The following BRAF variants were observed in gnomAD, a reference collection of about 807,000 sequenced individuals.
BRAF encodes serine/threonine-protein kinase B-raf.
Under a neutral mutation model 104.6 loss-of-function variants are expected in BRAF, and 16 were observed. That is an observed-to-expected ratio of 0.15 (90% CI 0.10 to 0.23). BRAF has a LOEUF of 0.23. BRAF is among the 10% of genes least tolerant of loss of function. BRAF has a pLI of 1.00. For synonymous variants in BRAF, 310 were observed against 341.6 expected (o/e 0.91, Z 1.02); for missense variants, 541 against 937.3 (o/e 0.58, Z 5.52).
At chr7:140,907,560 C>A (rs1388198619) in intron 1 of BRAF, among the ~76,000 whole-genome samples, 1 of 151,788 alleles carries the variant, frequency 6.6e-6, no homozygotes, top group Non-Finnish European at 1.5e-5. Context: ...CGTGCCCAGC[C>A]ATTTTTTTTC....
rs2129026359 is a variant in BRAF at position 140,783,109 on chromosome 7, G to A, written c.1346C>T (p.Ser449Leu). Reference sequence around the variant, plus strand: ...CTGTAAGGCTTTCACGTTAGTTAGTGAGCCAGGTAATGAGGCAGGGGGGGT... The same window carrying A: ...CTGTAAGGCTTTCACGTTAGTTAGTAAGCCAGGTAATGAGGCAGGGGGGGT... ...SATPPASLPG[S>L]LTNVKALQKS... The change falls in exon 11 of 20, where the codon TCA becomes TTA. Residue 449 changes from serine to leucine, a missense_variant. Physicochemically the swap from Ser to Leu is moderately radical, Grantham distance 145 (BLOSUM62 -2). Around this residue, in one of 10 missense-constraint regions of BRAF, gnomAD observed 109 missense variants for 143.9 expected, o/e 0.76. Transcript: ENST00000644969. 3 of 1,614,042 alleles carry A rather than the reference G, an allele frequency of 1.9e-6. No individual in the cohort carries two copies. Among genetic ancestry groups the A allele is most frequent in the South Asian group, 1.1e-5 (1 of 91,080 alleles).
intron 3 of BRAF, among the ~76,000 whole-genome samples, chr7:140,818,181 T>C (rs1412501648): frequency 6.6e-6 from 1 of 152,198 alleles, no homozygotes; most frequent in African/African-American, 2.4e-5. Context: ...ATGGGACTGG[T>C]AGTGGAACCT....
intron 9 of BRAF, among the ~76,000 whole-genome samples, chr7:140,786,451 G>GT (rs1252501484): frequency 6.6e-6 from 1 of 152,186 alleles, no homozygotes; most frequent in African/African-American, 2.4e-5. Flanking sequence ...AACAGGGAAG[G>GT]TAAGTGTAAA....
Position 140,902,901 on chromosome 7 carries a change from G to A in BRAF, c.138+21665C>T, listed in dbSNP as rs544161424. Among the ~76,000 whole-genome samples the A allele has an allele frequency of 5.3e-5, 8 of 150,314 alleles. No homozygotes were observed. In the South Asian group the frequency reaches 1.5e-3, roughly 28 times the overall value. ...CCCTAAGTCAATGGTTGGCTTCAAA[G>A]CTTCAAAGGACAGGATGACTTTTTT... is the stretch of plus-strand genomic sequence containing the variant. On this transcript the variant is annotated intron_variant, in intron 1 of 19. Transcript: ENST00000644969.
chr7:140,761,362 C>T (rs1389820151), intron 14 of BRAF, among the ~76,000 whole-genome samples: 1 of 151,998 alleles, frequency 6.6e-6, no homozygotes, highest in Non-Finnish European at 1.5e-5. Flanking sequence ...ACCCCCAGGC[C>T]TGCCCTAAAA....
At chr7:140,769,489 C>T (rs983330245) in intron 14 of BRAF, among the ~76,000 whole-genome samples, 4 of 152,154 alleles carry the variant, frequency 2.6e-5, no homozygotes, top group Non-Finnish European at 5.9e-5. Flanking sequence ...TACATACACA[C>T]CACTTTTTAA....
Position 140,722,649 on chromosome 7 carries a change from C to T in BRAF, c.*3845G>A. 9.5e-7 allele frequency: 1 copy of T among 1,053,026 alleles called. No individual in the cohort carries two copies. The highest frequency in any genetic ancestry group is 1.1e-6 in the Non-Finnish European group (1 of 871,574). The allele number at this position is 1,053,026 out of a possible 1,614,324, so 65.2% of individuals were successfully genotyped here. A position where few individuals can be genotyped will look rare whatever the true frequency, so the allele number is the denominator to read the frequency against. On this transcript the variant is annotated 3_prime_UTR_variant, in exon 20 of 20. Transcript: ENST00000644969. ...AACTTGGACAAAGAAGAGAATCTTGCAAAAAGAGTAATCATTCTACCCTCT... is the reference window on the plus strand; with the variant it reads ...AACTTGGACAAAGAAGAGAATCTTGTAAAAAGAGTAATCATTCTACCCTCT...
intron 1 of BRAF, among the ~76,000 whole-genome samples, chr7:140,907,531 G>T (rs1042089856): frequency 1.2e-4 from 18 of 152,060 alleles, no homozygotes; most frequent in Non-Finnish European, 1.9e-4. Flanking sequence ...AAAGTGCTGG[G>T]ATTACAGGCA....
Position 140,720,501 on chromosome 7 carries a change from C to T in BRAF, c.*5993G>A. The stretch of plus-strand genomic sequence containing the variant: ...TGTTGATATAGCTGGTTTTAATCAG[C>T]TATGGAACATACACAAATGTATTAG... On this transcript the variant is annotated 3_prime_UTR_variant, in exon 20 of 20. Coordinates refer to ENST00000644969, the MANE Select transcript of BRAF (RefSeq NM_001374258.1). 1 of 1,064,486 alleles carries T rather than the reference C, an allele frequency of 9.4e-7. No homozygotes were observed. The highest frequency in any genetic ancestry group is 1.1e-6 in the Non-Finnish European group (1 of 878,870). The allele number at this position is 1,064,486 out of a possible 1,614,324, so 65.9% of individuals were successfully genotyped here.
At chr7:140,911,112 G>A (rs1443347873) in intron 1 of BRAF, among the ~76,000 whole-genome samples, 1 of 152,110 alleles carries the variant, frequency 6.6e-6, no homozygotes, top group Admixed American at 6.6e-5. Flanking sequence ...CAGACTAAGA[G>A]TACCGAAAAA....
At chr7:140,920,132 A>T (rs1051729695) in intron 1 of BRAF, among the ~76,000 whole-genome samples, 1 of 152,194 alleles carries the variant, frequency 6.6e-6, no homozygotes, top group African/African-American at 2.4e-5. Flanking sequence ...TACTGACAAA[A>T]AAAGGCTTAA....
At chr7:140,878,326 CAT>C (rs1177115193) in intron 1 of BRAF, among the ~76,000 whole-genome samples, 1 of 151,724 alleles carries the variant, frequency 6.6e-6, no homozygotes, top group Non-Finnish European at 1.5e-5. Flanking sequence ...CAGAAGAAAA[CAT>C]AGGGGTAAAT....
intron 14 of BRAF, among the ~76,000 whole-genome samples, chr7:140,755,866 C>T (rs933647670): frequency 6.6e-5 from 10 of 151,482 alleles, no homozygotes; most frequent in Admixed American, 2.0e-4. Context: ...GACCTGGGAT[C>T]TAGTATACAG....
chr7:140,794,895 T>C (rs1011357822), intron 7 of BRAF, among the ~76,000 whole-genome samples: 1 of 152,234 alleles, frequency 6.6e-6, no homozygotes, highest in Non-Finnish European at 1.5e-5. Context: ...ATTATAAATA[T>C]TTTGAGAATA....
intron 3 of BRAF, among the ~76,000 whole-genome samples, chr7:140,814,409 A>C (rs960500062): frequency 1.3e-4 from 20 of 152,274 alleles, no homozygotes; most frequent in African/African-American, 4.8e-4. Flanking sequence ...TCATGCCTGT[A>C]ATCCCAGCAT....
Position 140,721,284 on chromosome 7 carries a change from T to C in BRAF, c.*5210A>G, listed in dbSNP as rs1795312381. The stretch of plus-strand genomic sequence containing the variant: ...AGTCACTCATTGAGTTGCCGACTAA[T>C]TGCCCCATGCATTTTTTTTTTTTAA... On this transcript the variant is annotated 3_prime_UTR_variant, in exon 20 of 20. Transcript: ENST00000644969. The C allele has an allele frequency of 8.7e-7, 1 of 1,150,186 alleles. No homozygotes were observed. The highest frequency in any genetic ancestry group is 1.1e-6 in the Non-Finnish European group (1 of 937,068). 71.2% of individuals were successfully genotyped at this position (1,150,186 alleles called of 1,614,324 possible).
rs561883564 is a variant in BRAF at position 140,784,650 on chromosome 7, C to CT, written c.1297+1038dup. ...AGAAAGACATCTGTCCCAATTTTTA[C>CT]TTTTTTTTTTTTGAGATGGAGTCTT... On this transcript the variant is annotated intron_variant, in intron 10 of 19. Coordinates refer to ENST00000644969, the MANE Select transcript of BRAF (RefSeq NM_001374258.1). Among the ~76,000 whole-genome samples, 739 of 146,176 alleles carry CT rather than the reference C, an allele frequency of 5.1e-3. 16 individuals are homozygous for CT. Among genetic ancestry groups the CT allele is most frequent in the South Asian group, 0.025 (116 of 4,632 alleles).
chr7:140,900,319 C>A lies in BRAF; in HGVS notation c.138+24247G>T, dbSNP rs367870042. 2.6e-5 allele frequency among the ~76,000 whole-genome samples: 4 copies of A among 152,290 alleles called. No homozygotes were observed. In the East Asian group the frequency reaches 7.7e-4, roughly 29 times the overall value. On this transcript the variant is annotated intron_variant, in intron 1 of 19. Coordinates refer to ENST00000644969, the MANE Select transcript of BRAF (RefSeq NM_001374258.1). ...TTTTTGAGTCTTAAGAAATTCTTCT[C>A]TGCCTTAAATAATGTCCCTTTATTT...
At chr7:140,760,783 G>A (rs948404249) in intron 14 of BRAF, among the ~76,000 whole-genome samples, 1 of 152,090 alleles carries the variant, frequency 6.6e-6, no homozygotes, top group Non-Finnish European at 1.5e-5. Context: ...GGAAGAAAGG[G>A]TATCAGTGAT....
Sources: allele counts gnomAD v4.1 joint callset (sites outside exome capture counted in the v4.1 genomes callset), GRCh38; gene constraint gnomAD v4.1.1; regional missense constraint gnomAD v4.1.1; transcripts MANE v1.5; gene names NCBI Gene and HGNC (gene_info 2026-07-23, HGNC 2026-07-21).